Variants in TRAPPC11 observed in about 807,000 individuals in gnomAD.
TRAPPC11 encodes the protein foie gras homolog.
Under a neutral mutation model 151.2 loss-of-function variants are expected in TRAPPC11, and 104 were observed. The ratio of observed to expected loss-of-function variants is 0.69; its 90% CI spans 0.59 to 0.81. The LOEUF (loss-of-function observed/expected upper bound fraction) is 0.81. Ranked by LOEUF, TRAPPC11 falls within the 30% of genes least tolerant of loss-of-function variation. The probability of loss-of-function intolerance (pLI) is 0.00; values close to 1 mark genes in which losing one functional copy is unlikely to be tolerated. For missense variants in TRAPPC11, 1,230 were observed against 1,349.6 expected, an observed-to-expected ratio of 0.91 and a Z score of 1.39; for synonymous variants, 456 against 472.3, an observed-to-expected ratio of 0.97 and a Z score of 0.45.
At chr4:183,667,430 A>G (rs1734940938) in intron 4 of TRAPPC11, among the ~76,000 whole-genome samples, 2 of 152,126 alleles carry the variant, frequency 1.3e-5, no homozygotes. Context: ...TTACAAGAGT[A>G]TAATTTTTTT....
chr4:183,711,398 C>T (rs981180227), intron 29 of TRAPPC11, among the ~76,000 whole-genome samples: 3 of 152,178 alleles, frequency 2.0e-5, no homozygotes, highest in African/African-American at 7.2e-5. Flanking sequence ...ACTTTTCTTC[C>T]TTTGAATAAA....
Position 183,712,804 on chromosome 4 carries a change from T to G in TRAPPC11, c.*160T>G, listed in dbSNP as rs1737397057. On this transcript the variant is annotated 3_prime_UTR_variant, in exon 30 of 30. Coordinates refer to ENST00000334690, the MANE Select transcript of TRAPPC11 (RefSeq NM_021942.6). ...TTCAGAGGAACTCATACTTCAAAAA[T>G]ATTAGGAAAATCTGTCTTATAGTTT... 1 of 566,228 alleles carries G rather than the reference T, an allele frequency of 1.8e-6. No homozygotes were observed. The highest frequency in any genetic ancestry group is 2.7e-4 in the Middle Eastern group (1 of 3,650). The allele number at this position is 566,228 out of a possible 1,614,324, so 35.1% of individuals were successfully genotyped here.
intron 4 of TRAPPC11, 85 bp from the exon 5 acceptor site, chr4:183,667,917 AT>A: frequency 1.0e-6 from 1 of 981,858 alleles, no homozygotes; most frequent in South Asian, 1.3e-5. Context: ...TCCTAATTCT[AT>A]TTTTTCAGAC....
chr4:183,659,698 G>A (rs962175471), intron 1 of TRAPPC11, among the ~76,000 whole-genome samples: 1 of 152,166 alleles, frequency 6.6e-6, no homozygotes, highest in African/African-American at 2.4e-5. Context: ...TTCCTCACTG[G>A]AGCTACCAGA....
chr4:183,694,956 T>TC (rs938651209), intron 23 of TRAPPC11, among the ~76,000 whole-genome samples: 2 of 149,872 alleles, frequency 1.3e-5, no homozygotes, highest in African/African-American at 4.9e-5. Flanking sequence ...TTTTTTTTTT[T>TC]TTTTTTTTTG....
At chr4:183,679,298 T>C (rs1735558053) in intron 8 of TRAPPC11, 55 bp from the exon 9 acceptor site, 4 of 1,455,074 alleles carry the variant, frequency 2.7e-6, no homozygotes, top group Non-Finnish European at 3.7e-6. Context: ...TAAATGAATA[T>C]GTCTTTTGAC....
At chr4:183,697,457 A>G in intron 23 of TRAPPC11, 46 bp from the exon 24 acceptor site, 1 of 1,564,634 alleles carries the variant, frequency 6.4e-7, no homozygotes, top group Non-Finnish European at 8.7e-7. Context: ...CTTTATATAA[A>G]AAGATTTAGA....
Position 183,691,335 on chromosome 4 carries a change from T to G in TRAPPC11, c.1913T>G (p.Val638Gly). 1 of 1,552,630 alleles carries G rather than the reference T, an allele frequency of 6.4e-7. No individual in the cohort carries two copies. Among genetic ancestry groups the G allele is most frequent in the Non-Finnish European group, 8.8e-7 (1 of 1,142,144 alleles). Residue 638 changes from valine (V) to glycine (G), a missense_variant, in exon 19 of 30, where the codon GTA becomes GGA. Coordinates refer to ENST00000334690, the MANE Select transcript of TRAPPC11 (RefSeq NM_021942.6). ...TTTCAGGAATACAACCAGTTCTGTG[T>G]AATAGAAGAAGCATCCAAAGCAAAT... is the stretch of plus-strand genomic sequence containing the variant. Reference protein sequence around the residue: ...FNNQEYNQFCVIEEASKANEV... With the variant: ...FNNQEYNQFCGIEEASKANEV...
chr4:183,685,248 A>G (rs776685863), intron 16 of TRAPPC11, 23 bp from the exon 17 acceptor site: 3 of 1,612,734 alleles, frequency 1.9e-6, no homozygotes, highest in South Asian at 1.1e-5. Context: ...AGTTGAATGG[A>G]TGTTAACTCT....
In TRAPPC11 at chr4:183,713,455, A is replaced by C. The variant is rs1737420861; in HGVS notation, c.*811A>C. The C allele has an allele frequency of 6.5e-6, 1 of 152,682 alleles. No individual in the cohort carries two copies. Among genetic ancestry groups the C allele is most frequent in the Non-Finnish European group, 1.5e-5 (1 of 68,050 alleles). 9.5% of individuals were successfully genotyped at this position (152,682 alleles called of 1,614,324 possible). A position where few individuals can be genotyped will look rare whatever the true frequency, so the allele number is the denominator to read the frequency against. On this transcript the variant is annotated 3_prime_UTR_variant, in exon 30 of 30. Transcript: ENST00000334690. ...TTGAAAACTCATGTAAATAAAAATCATAGGGTGAAAATTGTATTTGTTAAA... is the reference window on the plus strand; with the variant it reads ...TTGAAAACTCATGTAAATAAAAATCCTAGGGTGAAAATTGTATTTGTTAAA...
rs1163960777 is a variant in TRAPPC11, at chr4:183,713,389, C to T, written c.*745C>T. 1 of 152,602 alleles carries T rather than the reference C, an allele frequency of 6.6e-6. No individual in the cohort carries two copies. Among genetic ancestry groups the T allele is most frequent in the Non-Finnish European group, 1.5e-5 (1 of 68,044 alleles). The allele number at this position is 152,602 out of a possible 1,614,324, so 9.5% of individuals were successfully genotyped here. ...AGATGCAGGGTCTGAGTCAGGCCTTCTGGTTATATTGTGCAGTTTCAAAAG... is the reference window on the plus strand; with the variant it reads ...AGATGCAGGGTCTGAGTCAGGCCTTTTGGTTATATTGTGCAGTTTCAAAAG... On this transcript the variant is annotated 3_prime_UTR_variant, in exon 30 of 30. Transcript: ENST00000334690.
chr4:183,667,433 ATT>A lies in TRAPPC11; in HGVS notation c.445+310_445+311del, dbSNP rs573773150. Among the ~76,000 whole-genome samples the A allele has an allele frequency of 9.1e-3, 1,376 of 151,962 alleles. 16 individuals are homozygous for A. Among genetic ancestry groups the A allele is most frequent in the African/African-American group, 0.032 (1,317 of 41,498 alleles). On this transcript the variant is annotated intron_variant, in intron 4 of 29. Transcript: ENST00000334690. The stretch of plus-strand genomic sequence containing the variant: ...GCTTGAATTTTTTTACAAGAGTATA[ATT>A]TTTTTTGACTTCCAAAGCTTTCCAA...
At chr4:183,695,747 GGGCTATTTACTA>G in intron 23 of TRAPPC11, among the ~76,000 whole-genome samples, 1 of 152,174 alleles carries the variant, frequency 6.6e-6, no homozygotes, top group Middle Eastern at 3.4e-3. Flanking sequence ...TCTGGGCTGT[GGGCTATTTACTA>G]GTCATTGGGA....
At chr4:183,671,360 A>G (rs576153166) in intron 5 of TRAPPC11, among the ~76,000 whole-genome samples, 1 of 152,294 alleles carries the variant, frequency 6.6e-6, no homozygotes, top group African/African-American at 2.4e-5. Context: ...GCGGGACAGT[A>G]TTGAAGCAGT....
intron 5 of TRAPPC11, among the ~76,000 whole-genome samples, chr4:183,669,536 C>G (rs772768702): frequency 6.6e-5 from 10 of 152,226 alleles, no homozygotes; most frequent in Non-Finnish European, 1.3e-4. Context: ...AAGGCTTCAA[C>G]GAAGCCTTCA....
At chr4:183,706,373 A>C (rs7688868) in intron 27 of TRAPPC11, among the ~76,000 whole-genome samples, 11,526 of 152,130 alleles carry the variant, frequency 0.076, 531 homozygotes, top group Non-Finnish European at 0.1. Context: ...AATGCAAAAA[A>C]TTAGCCAGAC....
rs951875459 is a variant in TRAPPC11 at position 183,693,027 on chromosome 4, G to A, written c.2117G>A (p.Gly706Glu). Residue 706 changes from glycine to glutamate, a missense_variant, in exon 20 of 30, where the codon GGA becomes GAA. Gly to Glu is a moderately conservative substitution (Grantham distance 98). Coordinates refer to ENST00000334690, the MANE Select transcript of TRAPPC11 (RefSeq NM_021942.6). Reference sequence around the variant, plus strand: ...TGTGTGGTTTTAAATTGGCAGGGAGGAGGAGGAGATGCTGCTTCCTCCCAA... The same window carrying A: ...TGTGTGGTTTTAAATTGGCAGGGAGAAGGAGGAGATGCTGCTTCCTCCCAA... ...GRCVVLNWQGGGGDAASSQEA... is the reference protein window; with the variant it reads ...GRCVVLNWQGEGGDAASSQEA... 4 of 1,613,802 alleles carry A rather than the reference G, an allele frequency of 2.5e-6. No individual in the cohort carries two copies. In the South Asian group the frequency reaches 3.3e-5, roughly 13 times the overall value.
rs1289634590 is a variant in TRAPPC11, at chr4:183,712,826, G to GT, written c.*185dup. On this transcript the variant is annotated 3_prime_UTR_variant, in exon 30 of 30. Coordinates refer to ENST00000334690, the MANE Select transcript of TRAPPC11 (RefSeq NM_021942.6). ...AAATATTAGGAAAATCTGTCTTATAGTTTCTCTAATAAATATCTGAAATCT... is the reference window on the plus strand; with the variant it reads ...AAATATTAGGAAAATCTGTCTTATAGTTTTCTCTAATAAATATCTGAAATCT... The GT allele has an allele frequency of 5.9e-6, 3 of 508,974 alleles. No homozygotes were observed. The highest frequency in any genetic ancestry group is 1.0e-5 in the Non-Finnish European group (3 of 289,260). 31.5% of individuals were successfully genotyped at this position (508,974 alleles called of 1,614,324 possible).
intron 1 of TRAPPC11, among the ~76,000 whole-genome samples, chr4:183,662,309 T>C (rs1220897333): frequency 1.4e-5 from 2 of 145,610 alleles, no homozygotes; most frequent in Non-Finnish European, 3.0e-5. Context: ...TGAGCTGATA[T>C]TGGGCCAGTG....
Sources: gnomAD v4.1 joint callset for allele counts (sites outside exome capture counted in the v4.1 genomes callset) on GRCh38, gnomAD v4.1.1 for gene constraint, MANE v1.5 for transcripts, NCBI Gene and HGNC (gene_info 2026-07-23, HGNC 2026-07-21) for gene names.